Variants in CD70 observed in about 807,000 individuals in gnomAD.
CD70 encodes CD70 molecule.
Under a neutral mutation model 9.0 loss-of-function variants are expected in CD70, and 6 were observed. The ratio of observed to expected loss-of-function variants is 0.67; its 90% CI spans 0.37 to 1.32. The LOEUF (loss-of-function observed/expected upper bound fraction) is 1.32. CD70 is among the 40% of genes most tolerant of loss of function. The pLI, the probability that CD70 is intolerant of heterozygous loss-of-function variation, is 0.02. For synonymous variants in CD70, 108 were observed against 112.3 expected (o/e 0.96, Z 0.24); for missense variants, 235 against 258.7 (o/e 0.91, Z 0.63).
Position 6,586,147 on chromosome 19 carries a change from G to A in CD70, c.455C>T (p.Thr152Ile). Residue 152 changes from threonine to isoleucine, a missense_variant, in exon 3 of 3, where the codon ACC becomes ATC. Physicochemically the swap from Thr to Ile is moderately conservative, Grantham distance 89. Coordinates refer to ENST00000245903, the MANE Select transcript of CD70 (RefSeq NM_001252.5). Reference protein sequence around the residue: ...LLRLSFHQGCTIASQRLTPLA... With the variant: ...LLRLSFHQGCIIASQRLTPLA... ...GGGCGTCAGGCGCTGGGAGGCAATG[G>A]TACAACCTTGGTGGAAGCTGAGACG... 6.2e-7 allele frequency: 1 copy of A among 1,614,120 alleles called. No individual in the cohort carries two copies.
intron 2 of CD70, among the ~76,000 whole-genome samples, chr19:6,589,191 C>G (rs1046063686): frequency 6.6e-6 from 1 of 150,820 alleles, no homozygotes; most frequent in Non-Finnish European, 1.5e-5. Context: ...TCTTCCCCCT[C>G]TCTGTCTCTG....
intron 2 of CD70, among the ~76,000 whole-genome samples, chr19:6,588,132 A>G (rs944749351): frequency 6.6e-6 from 1 of 152,216 alleles, no homozygotes; most frequent in Non-Finnish European, 1.5e-5. Flanking sequence ...CTTGTTAGGA[A>G]GGAACTGAAC....
chr19:6,588,792 CAT>C (rs1300742726), intron 2 of CD70, among the ~76,000 whole-genome samples: 3 of 152,102 alleles, frequency 2.0e-5, no homozygotes, highest in South Asian at 2.1e-4. Flanking sequence ...CTGTTTTTCA[CAT>C]GTTCGTTTTT....
chr19:6,588,746 C>T (rs1299253965), intron 2 of CD70, among the ~76,000 whole-genome samples: 2 of 152,158 alleles, frequency 1.3e-5, no homozygotes, highest in Non-Finnish European at 2.9e-5. Flanking sequence ...TCTCTAAAAC[C>T]TGCTCTTGGC....
chr19:6,590,968 C>T lies in CD70; in HGVS notation c.35G>A (p.Arg12His). Residue 12 changes from arginine to histidine, a missense_variant, in exon 1 of 3, where the codon CGC (arginine) becomes CAC (histidine). Transcript: ENST00000245903. This position sits in a 1 kb window ranked among gnomAD's most constrained non-coding sequence, Gnocchi z 5.3. ...CCGCAGGACGCACCCATAGGGCCTGCGCCGCACCGAGCAGCCCGAACCCTC... is the reference window on the plus strand; with the variant it reads ...CCGCAGGACGCACCCATAGGGCCTGTGCCGCACCGAGCAGCCCGAACCCTC... The part of the protein sequence containing the change: ...PEEGSGCSVR[R>H]RPYGCVLRAA... The T allele has an allele frequency of 1.2e-6, 2 of 1,612,654 alleles. No individual in the cohort carries two copies. The highest frequency in any genetic ancestry group is 4.5e-5 in the East Asian group (2 of 44,806).
chr19:6,583,025 A>G (rs543216957), downstream of CD70, among the ~76,000 whole-genome samples: 36 of 152,060 alleles, frequency 2.4e-4, no homozygotes, highest in African/African-American at 8.7e-4. Context: ...GTAAGGTTGG[A>G]GAGGGGCTGC....
intron 2 of CD70, among the ~76,000 whole-genome samples, chr19:6,588,565 T>C (rs1359158727): frequency 6.6e-6 from 1 of 151,808 alleles, no homozygotes; most frequent in Non-Finnish European, 1.5e-5. Context: ...TGGGAGGAGG[T>C]AGAGACTTCC....
rs1327409178 is a variant in CD70, at chr19:6,590,051, T to C, written c.196+52A>G. 7 of 1,486,996 alleles carry C rather than the reference T, an allele frequency of 4.7e-6. No homozygotes were observed. 92.1% of individuals were successfully genotyped at this position (1,486,996 alleles called of 1,614,324 possible). A position where few individuals can be genotyped will look rare whatever the true frequency, so the allele number is the denominator to read the frequency against. On this transcript the variant is annotated intron_variant, in intron 2 of 2. Transcript: ENST00000245903. The surrounding 1 kb of genome is among the most constrained non-coding windows in gnomAD (Gnocchi z 5.3). ...CACTTGTCTTTCTACCTCTCCTTCC[T>C]TCTCTCTCTGTGCCTCTTCTTCTCC...
At position 6,588,096 on chromosome 19, in the gene CD70, T is replaced by G. The variant is rs546268323; in HGVS notation, c.197-1691A>C. ...ACCTGAGCCTCACTCTCCTCCTCAC[T>G]CAAGGCTCTCCTGGAGACTGGCTAT... On this transcript the variant is annotated intron_variant, in intron 2 of 2. Coordinates refer to ENST00000245903, the MANE Select transcript of CD70 (RefSeq NM_001252.5). Among the ~76,000 whole-genome samples the G allele has an allele frequency of 3.3e-3, 499 of 152,252 alleles. 2 individuals are homozygous for G. The highest frequency in any genetic ancestry group is 0.011 in the African/African-American group (456 of 41,548).
Position 6,586,113 on chromosome 19 carries a change from T to C in CD70, c.489A>G (p.Arg163=), listed in dbSNP as rs1261886203. ...IASQRLTPLA[R]GDTLCTNLTG... ...TGAGGTTGGTGCAGAGTGTGTCCCCTCGGGCCAGGGGCGTCAGGCGCTGGG... is the reference window on the plus strand; with the variant it reads ...TGAGGTTGGTGCAGAGTGTGTCCCCCCGGGCCAGGGGCGTCAGGCGCTGGG... Residue 163 remains arginine, a synonymous_variant, in exon 3 of 3, where the codon CGA becomes CGG. Coordinates refer to ENST00000245903, the MANE Select transcript of CD70 (RefSeq NM_001252.5). 1 of 1,613,916 alleles carries C rather than the reference T, an allele frequency of 6.2e-7. No homozygotes were observed. The highest frequency in any genetic ancestry group is 1.7e-5 in the Admixed American group (1 of 59,982).
intron 2 of CD70, among the ~76,000 whole-genome samples, chr19:6,589,696 C>T (rs1349217069): frequency 6.6e-6 from 1 of 151,794 alleles, no homozygotes; most frequent in African/African-American, 2.4e-5. Flanking sequence ...GGTCGCCTCT[C>T]TCGTTTTTAT....
intron 2 of CD70, among the ~76,000 whole-genome samples, chr19:6,589,191 C>T (rs1046063686): frequency 4.0e-5 from 6 of 150,820 alleles, no homozygotes; most frequent in Non-Finnish European, 5.9e-5. Context: ...TCTTCCCCCT[C>T]TCTGTCTCTG....
chr19:6,586,008 C>T lies in CD70; in HGVS notation c.*12G>A, dbSNP rs200539651. On this transcript the variant is annotated 3_prime_UTR_variant, in exon 3 of 3. Coordinates refer to ENST00000245903, the MANE Select transcript of CD70 (RefSeq NM_001252.5). ...AAAATAAAATTTAAAAAACCCTAAT[C>T]AGCAGCAGTGGTCAGGGGCGCACCC... is the stretch of plus-strand genomic sequence containing the variant. The T allele has an allele frequency of 1.1e-5, 17 of 1,587,008 alleles. No homozygotes were observed. In the Admixed American group the frequency reaches 1.6e-4, roughly 15 times the overall value.
In CD70 at chr19:6,590,930, G is replaced by T. The variant is rs780084590; in HGVS notation, c.73C>A (p.Pro25Thr). Residue 25 changes from proline (P) to threonine (T), a missense_variant, in exon 1 of 3, where the codon CCA becomes ACA. Coordinates refer to ENST00000245903, the MANE Select transcript of CD70 (RefSeq NM_001252.5). The surrounding 1 kb of genome is among the most constrained non-coding windows in gnomAD (Gnocchi z 5.3). ...YGCVLRAALV[P>T]LVAGLVICLV... is the part of the protein sequence containing the mutation. ...CAGATCACCAAGCCCGCGACCAATGGGACCAAAGCAGCCCGCAGGACGCAC... is the reference window on the plus strand; with the variant it reads ...CAGATCACCAAGCCCGCGACCAATGTGACCAAAGCAGCCCGCAGGACGCAC... 3.1e-6 allele frequency: 5 copies of T among 1,614,074 alleles called. No homozygotes were observed. The South Asian group carries it at 3.3e-5, about 11-fold the overall frequency.
At chr19:6,587,157 T>A (rs1354428032) in intron 2 of CD70, among the ~76,000 whole-genome samples, 1 of 101,842 alleles carries the variant, frequency 9.8e-6, no homozygotes, top group South Asian at 3.1e-4. Context: ...CAGGAGAGAG[T>A]GCAAGAGACA....
chr19:6,589,009 C>A (rs541656301), intron 2 of CD70, among the ~76,000 whole-genome samples: 51 of 152,268 alleles, frequency 3.3e-4, no homozygotes, highest in African/African-American at 1.2e-3. Context: ...CCCTTTGATT[C>A]TTCCAAGGGA....
At chr19:6,583,885 G>C (rs947698787), downstream of CD70, among the ~76,000 whole-genome samples, 1 of 149,742 alleles carries the variant, frequency 6.7e-6, no homozygotes, top group African/African-American at 2.5e-5. Flanking sequence ...CTCCACCTCC[G>C]GGGTTTAAGT....
downstream of CD70, among the ~76,000 whole-genome samples, chr19:6,582,699 G>A (rs1339507452): frequency 1.3e-5 from 2 of 152,094 alleles, no homozygotes; most frequent in South Asian, 2.1e-4. Flanking sequence ...GAACTCATCC[G>A]TTTTTATGGC....
downstream of CD70, chr19:6,583,397 G>A (rs1002266268): frequency 1.3e-5 from 9 of 701,866 alleles, no homozygotes; most frequent in Non-Finnish European, 2.1e-5. Flanking sequence ...CTGAGTTAAT[G>A]GGATAAAACA....
Sources: gnomAD v4.1 joint callset for allele counts (sites outside exome capture counted in the v4.1 genomes callset) on GRCh38, gnomAD v4.1.1 for gene constraint, Gnocchi (gnomAD v3.1) non-coding constraint, MANE v1.5 for transcripts, NCBI Gene and HGNC (gene_info 2026-07-23, HGNC 2026-07-21) for gene names.